ATP9B: variants seen among roughly 807,000 people sequenced by gnomAD.
ATP9B encodes probable phospholipid-transporting ATPase IIB.
A neutral mutation model predicts 146.1 loss-of-function variants in ATP9B; 110 were observed. That is an observed-to-expected ratio of 0.75 (90% confidence interval 0.65 to 0.88). The LOEUF (loss-of-function observed/expected upper bound fraction) is 0.88, where lower values mean the gene tolerates loss of function less well. Among genes scored for constraint, ATP9B ranks in the 40% least tolerant of loss-of-function variants. The pLI is 0.00. For synonymous variants in ATP9B, 604 were observed against 569.7 expected (o/e 1.06, Z -0.86); for missense variants, 1,499 against 1,496.4 (o/e 1.00, Z -0.03).
chr18:79,189,867 G>A (rs893038606), intron 8 of ATP9B, among the ~76,000 whole-genome samples: 3 of 152,180 alleles, frequency 2.0e-5, no homozygotes, highest in Non-Finnish European at 2.9e-5. Context: ...TATTGGTCCC[G>A]TGGTATTATT....
rs1423305598 is a variant in ATP9B at position 79,260,758 on chromosome 18, A to G, written c.1268+7217A>G. Among the ~76,000 whole-genome samples the G allele has an allele frequency of 1.3e-5, 2 of 152,246 alleles. 1 individual carries two copies. Among genetic ancestry groups the G allele is most frequent in the Non-Finnish European group, 2.9e-5 (2 of 68,042 alleles). ...AAGAGGAAGAATGACCCCAAGGTCA[A>G]AATTGGCATGAGCAGTGCAGAGGCC... On this transcript the variant is annotated intron_variant, in intron 12 of 29. Transcript: ENST00000426216.
chr18:79,208,010 CCGAGGCGGGCGGAT>C, intron 10 of ATP9B, among the ~76,000 whole-genome samples: 1 of 152,152 alleles, frequency 6.6e-6, no homozygotes, highest in East Asian at 1.9e-4. Flanking sequence ...CTGTGGGAGG[CCGAGGCGGGCGGAT>C]CACAAGGTCA....
chr18:79,237,170 C>T (rs1236796647), intron 11 of ATP9B, among the ~76,000 whole-genome samples: 1 of 73,442 alleles, frequency 1.4e-5, no homozygotes, highest in Non-Finnish European at 2.6e-5. Context: ...CTTCCCCCTT[C>T]CCCACTGTGT....
At chr18:79,290,729 C>A (rs1320329053) in intron 13 of ATP9B, among the ~76,000 whole-genome samples, 1 of 152,240 alleles carries the variant, frequency 6.6e-6, no homozygotes, top group Admixed American at 6.5e-5. Flanking sequence ...GAGCTGTAGA[C>A]TGGAGCTGTT....
intron 20 of ATP9B, among the ~76,000 whole-genome samples, chr18:79,343,429 C>T (rs936323359): frequency 3.3e-5 from 5 of 152,040 alleles, no homozygotes; most frequent in Non-Finnish European, 7.4e-5. Context: ...TATGAAAAAC[C>T]ACTTACATTG....
At chr18:79,129,532 G>A (rs1215788669) in intron 5 of ATP9B, among the ~76,000 whole-genome samples, 4 of 151,922 alleles carry the variant, frequency 2.6e-5, no homozygotes, top group African/African-American at 9.7e-5. Context: ...TCTTCATTTT[G>A]AAGGAAATCT....
At chr18:79,089,616 T>A (rs1012613913) in intron 1 of ATP9B, among the ~76,000 whole-genome samples, 43 of 152,204 alleles carry the variant, frequency 2.8e-4, no homozygotes, top group Non-Finnish European at 6.2e-4. Context: ...TGAAAAAAAA[T>A]TATTGTTAAT....
intron 5 of ATP9B, among the ~76,000 whole-genome samples, chr18:79,135,076 TAGC>T (rs1414188924): frequency 1.3e-5 from 2 of 152,312 alleles, no homozygotes; most frequent in South Asian, 2.1e-4. Flanking sequence ...TGTTTAAAGT[TAGC>T]AGAGTTCTTC....
chr18:79,372,642 C>T (rs967169667), intron 26 of ATP9B, 183 bp from the exon 27 acceptor site: 1 of 677,780 alleles, frequency 1.5e-6, no homozygotes, highest in Non-Finnish European at 2.7e-6. Flanking sequence ...ACCCAGGCAG[C>T]TTCTTCAGGA....
intron 12 of ATP9B, among the ~76,000 whole-genome samples, chr18:79,266,320 TATCA>T (rs1169260095): frequency 6.6e-6 from 1 of 152,118 alleles, no homozygotes; most frequent in Admixed American, 6.5e-5. Flanking sequence ...AATTATTGAC[TATCA>T]ATCTTGGTAA....
chr18:79,253,286 G>GTTT, intron 11 of ATP9B, 95 bp from the exon 12 acceptor site: 3 of 1,066,124 alleles, frequency 2.8e-6, no homozygotes, highest in Admixed American at 2.9e-5. Flanking sequence ...AAATTTTAAA[G>GTTT]TTTTTTTTTT....
intron 5 of ATP9B, among the ~76,000 whole-genome samples, chr18:79,132,373 G>A (rs1268798147): frequency 6.6e-6 from 1 of 152,176 alleles, no homozygotes; most frequent in Non-Finnish European, 1.5e-5. Flanking sequence ...CAGAGTACGA[G>A]TTCTCATATC....
rs1041526539 is a variant in ATP9B at position 79,239,088 on chromosome 18, T to A, written c.1108-14293T>A. ...CCAGCCACTGAGCCCCAACCCCCAG[T>A]CATCAAAACAACGGGGTCAACTGGG... On this transcript the variant is annotated intron_variant, in intron 11 of 29. Transcript: ENST00000426216. The surrounding 1 kb of genome is among the most constrained non-coding windows in gnomAD (Gnocchi z 5.1). Among the ~76,000 whole-genome samples, 3 of 152,034 alleles carry A rather than the reference T, an allele frequency of 2.0e-5. No homozygotes were observed. Among genetic ancestry groups the A allele is most frequent in the African/African-American group, 4.8e-5 (2 of 41,420 alleles).
chr18:79,210,743 G>C (rs1355662750), intron 10 of ATP9B, among the ~76,000 whole-genome samples: 1 of 152,208 alleles, frequency 6.6e-6, no homozygotes, highest in African/African-American at 2.4e-5. Context: ...CTCCTGGAGG[G>C]CATCTGCGAG....
At chr18:79,129,286 G>A (rs2094338473) in intron 5 of ATP9B, among the ~76,000 whole-genome samples, 2 of 152,128 alleles carry the variant, frequency 1.3e-5, no homozygotes, top group Non-Finnish European at 2.9e-5. Flanking sequence ...CCCTGTGTAT[G>A]CTGGGGAATT....
At chr18:79,246,769 TGAGTAC>T (rs1306394083) in intron 11 of ATP9B, among the ~76,000 whole-genome samples, 2 of 152,118 alleles carry the variant, frequency 1.3e-5, no homozygotes, top group Admixed American at 1.3e-4. Context: ...ATGGGAGGTG[TGAGTAC>T]GACTCTGAGA....
chr18:79,093,634 A>G (rs547078213), intron 1 of ATP9B, among the ~76,000 whole-genome samples: 31 of 152,202 alleles, frequency 2.0e-4, no homozygotes, highest in African/African-American at 6.7e-4. Flanking sequence ...TTCTGCCTCA[A>G]TCTTTTCTGG....
chr18:79,259,698 C>T (rs1399194752), intron 12 of ATP9B, among the ~76,000 whole-genome samples: 3 of 152,156 alleles, frequency 2.0e-5, no homozygotes, highest in African/African-American at 7.2e-5. Flanking sequence ...AGTCAGCACA[C>T]CCCCAGATGG....
intron 10 of ATP9B, among the ~76,000 whole-genome samples, chr18:79,208,469 C>T (rs1399593613): frequency 2.0e-5 from 3 of 152,152 alleles, no homozygotes; most frequent in Non-Finnish European, 4.4e-5. Flanking sequence ...GCAGGTGTCA[C>T]ACAACAGGGC....
Sources: allele counts gnomAD v4.1 joint callset (sites outside exome capture counted in the v4.1 genomes callset), GRCh38; gene constraint gnomAD v4.1.1; non-coding constraint Gnocchi (gnomAD v3.1); transcripts MANE v1.5; gene names NCBI Gene and HGNC (gene_info 2026-07-23, HGNC 2026-07-21).